Variants in DNAJC17 observed in about 807,000 individuals in gnomAD.
DNAJC17 encodes dnaJ homolog subfamily C member 17.
DNAJC17 carries 35 observed loss-of-function variants against 48.1 expected under a neutral mutation model. The observed-to-expected ratio is 0.73, with a 90% CI of 0.56 to 0.96. DNAJC17 has a LOEUF of 0.96. Among genes scored for constraint, DNAJC17 ranks in the 50% least tolerant of loss-of-function variants. DNAJC17 has a pLI of 0.00. For missense variants in DNAJC17, 355 were observed against 377.1 expected (o/e 0.94, Z 0.48); for synonymous variants, 117 against 142.7 (o/e 0.82, Z 1.28).
In DNAJC17 at chr15:40,767,211, CCTGT is replaced by C. The variant is rs774346021; in HGVS notation, c.*725_*728del. ...GTGTGCCCCTCCTCACCCCCCCCAT[CCTGT>C]CTCTTTGCAGTTATGAATACTACGT... On this transcript the variant is annotated 3_prime_UTR_variant, in exon 11 of 11. Coordinates refer to ENST00000220496, the MANE Select transcript of DNAJC17 (RefSeq NM_018163.3). 3 of 1,494,754 alleles carry C rather than the reference CCTGT, an allele frequency of 2.0e-6. No homozygotes were observed. In the Admixed American group the frequency reaches 6.9e-5, roughly 34 times the overall value. 92.6% of individuals were successfully genotyped at this position (1,494,754 alleles called of 1,614,324 possible). A position where few individuals can be genotyped will look rare whatever the true frequency, so the allele number is the denominator to read the frequency against.
rs980192847 is a variant in DNAJC17 at position 40,766,350 on chromosome 15, C to T, written c.*1590G>A. 28 of 153,736 alleles carry T rather than the reference C, an allele frequency of 1.8e-4. No homozygotes were observed. Among genetic ancestry groups the T allele is most frequent in the Admixed American group, 3.9e-4 (6 of 15,346 alleles). 9.5% of individuals were successfully genotyped at this position (153,736 alleles called of 1,614,324 possible). On this transcript the variant is annotated 3_prime_UTR_variant, in exon 11 of 11. Transcript: ENST00000220496. Reference sequence around the variant, plus strand: ...CGTCCTACCTCCAGGGTGGCTGCTGCCTGGGGACCTAGCCATTTCCCTTGG... The same window carrying T: ...CGTCCTACCTCCAGGGTGGCTGCTGTCTGGGGACCTAGCCATTTCCCTTGG...
chr15:40,775,951 C>T (rs1198396288), intron 6 of DNAJC17, among the ~76,000 whole-genome samples: 1 of 152,186 alleles, frequency 6.6e-6, no homozygotes, highest in Non-Finnish European at 1.5e-5. Context: ...AACAAGGCCA[C>T]CTCTGCTTGG....
At position 40,775,071 on chromosome 15, in the gene DNAJC17, C is replaced by T; in HGVS notation, c.560G>A (p.Gly187Asp). The change falls in exon 8 of 11, where the codon GGT becomes GAT. Residue 187 changes from glycine to aspartate, a missense_variant. By Grantham distance (94) the Gly-to-Asp change is moderately conservative (BLOSUM62 -1). Around this residue, in one of 3 missense-constraint regions of DNAJC17, gnomAD observed 68 missense variants for 109.5 expected, o/e 0.62. Transcript: ENST00000220496. ...TAGGAGGACGTCTTTGGAGTAGCCA[C>T]CTTTTGACTCATCCTCCTTCTTGCA... ...WKCKKEDESK[G>D]GYSKDVLLRL... is the part of the protein sequence containing the mutation. 1.9e-6 allele frequency: 3 copies of T among 1,614,158 alleles called. No homozygotes were observed. The highest frequency in any genetic ancestry group is 1.6e-4 in the Middle Eastern group (1 of 6,062).
At chr15:40,775,665 G>A in intron 6 of DNAJC17, 69 bp from the exon 7 acceptor site, 2 of 1,517,002 alleles carry the variant, frequency 1.3e-6, no homozygotes, top group Non-Finnish European at 1.8e-6. Flanking sequence ...AGGAAATGCA[G>A]CCCAGAGCAA....
intron 1 of DNAJC17, among the ~76,000 whole-genome samples, chr15:40,794,265 G>A (rs1889889104): frequency 1.3e-5 from 2 of 151,502 alleles, no homozygotes; most frequent in East Asian, 2.0e-4. Context: ...CAGGAGATCT[G>A]CTTGAACCCA....
At chr15:40,800,221 C>T (rs1308519095) in intron 1 of DNAJC17, among the ~76,000 whole-genome samples, 1 of 152,166 alleles carries the variant, frequency 6.6e-6, no homozygotes, top group Non-Finnish European at 1.5e-5. Context: ...GCAACTGCCA[C>T]TACGCCCAGC....
chr15:40,806,289 G>A (rs550202759), intron 1 of DNAJC17, among the ~76,000 whole-genome samples: 3 of 146,762 alleles, frequency 2.0e-5, no homozygotes, highest in South Asian at 2.1e-4. Context: ...TGCAATCTCA[G>A]CTCACTGCAA....
Position 40,778,203 on chromosome 15 carries a change from AAAG to A in DNAJC17, c.295+1017_295+1019del, listed in dbSNP as rs1007382124. ...CCCCGTCTTTCTTTAAAAAAAAAAAAAAGAAGAAGAAGACTCAGCCAGAAATGG... is the reference window on the plus strand; with the variant it reads ...CCCCGTCTTTCTTTAAAAAAAAAAAAAAGAAGAAGACTCAGCCAGAAATGG... On this transcript the variant is annotated intron_variant, in intron 4 of 10. Coordinates refer to ENST00000220496, the MANE Select transcript of DNAJC17 (RefSeq NM_018163.3). 2.7e-4 allele frequency among the ~76,000 whole-genome samples: 41 copies of A among 152,082 alleles called. 1 individual carries two copies. Among genetic ancestry groups the A allele is most frequent in the South Asian group, 4.2e-4 (2 of 4,816 alleles).
intron 9 of DNAJC17, 74 bp from the exon 10 acceptor site, chr15:40,773,911 G>T: frequency 7.4e-7 from 1 of 1,347,992 alleles, no homozygotes; most frequent in East Asian, 2.5e-5. Flanking sequence ...CCCCCACAGA[G>T]AGAACGGAAC....
rs1889121894 is a variant in DNAJC17, at chr15:40,770,970, G to A, written c.792+2757C>T. ...AGTGGACCTGGGGATTTCACTTCTTGAGGAAGTTCTGCAGATGCTAAGGGA... is the reference window on the plus strand; with the variant it reads ...AGTGGACCTGGGGATTTCACTTCTTAAGGAAGTTCTGCAGATGCTAAGGGA... On this transcript the variant is annotated intron_variant, in intron 10 of 10. Coordinates refer to ENST00000220496, the MANE Select transcript of DNAJC17 (RefSeq NM_018163.3). The surrounding 1 kb of genome is among the most constrained non-coding windows in gnomAD (Gnocchi z 5.0). The A allele has an allele frequency of 6.4e-7, 1 of 1,551,304 alleles. No individual in the cohort carries two copies. Among genetic ancestry groups the A allele is most frequent in the African/African-American group, 1.4e-5 (1 of 73,188 alleles).
chr15:40,807,044 A>C (rs1360442465), intron 1 of DNAJC17: 3 of 578,958 alleles, frequency 5.2e-6, no homozygotes, highest in African/African-American at 1.9e-5. Context: ...TCAAGGCAGA[A>C]GCGGAAACGG....
chr15:40,773,874 G>A (rs547975445), intron 9 of DNAJC17, 37 bp from the exon 10 acceptor site: 1 of 1,579,008 alleles, frequency 6.3e-7, no homozygotes, highest in Non-Finnish European at 8.7e-7. Flanking sequence ...CCCATCCGTT[G>A]AGTCAGCTAT....
intron 1 of DNAJC17, chr15:40,807,108 CG>C: frequency 1.2e-6 from 1 of 802,216 alleles, no homozygotes; most frequent in South Asian, 1.9e-5. Flanking sequence ...TGCCTCGCCC[CG>C]CGGCCTCTAG....
intron 10 of DNAJC17, among the ~76,000 whole-genome samples, chr15:40,773,043 C>T (rs1230517560): frequency 6.6e-6 from 1 of 151,486 alleles, no homozygotes; most frequent in Admixed American, 6.6e-5. Flanking sequence ...TCACTGCAAC[C>T]TCTGCCTCCC....
At chr15:40,789,634 C>A (rs555806753) in intron 1 of DNAJC17, among the ~76,000 whole-genome samples, 1 of 152,072 alleles carries the variant, frequency 6.6e-6, no homozygotes, top group South Asian at 2.1e-4. Flanking sequence ...GGGTCTCTAG[C>A]CCCAGAACCA....
intron 4 of DNAJC17, among the ~76,000 whole-genome samples, chr15:40,778,531 G>A (rs910174453): frequency 3.3e-5 from 5 of 151,604 alleles, no homozygotes; most frequent in Non-Finnish European, 5.9e-5. Context: ...GATTACAGGC[G>A]TGAGCCACCG....
chr15:40,776,447 G>A, intron 5 of DNAJC17, 95 bp downstream of exon 5: 1 of 1,512,114 alleles, frequency 6.6e-7, no homozygotes, highest in South Asian at 1.1e-5. Context: ...GGTGCAAAGA[G>A]CATGCCCTCT....
chr15:40,767,382 C>A lies in DNAJC17; in HGVS notation c.*558G>T. On this transcript the variant is annotated 3_prime_UTR_variant, in exon 11 of 11. Coordinates refer to ENST00000220496, the MANE Select transcript of DNAJC17 (RefSeq NM_018163.3). ...ATGCTGATTTGCAGACGGGGCACCCCTGTGGAGGGGCTGCTGTGGGCCCTG... is the reference window on the plus strand; with the variant it reads ...ATGCTGATTTGCAGACGGGGCACCCATGTGGAGGGGCTGCTGTGGGCCCTG... 1 of 1,574,564 alleles carries A rather than the reference C, an allele frequency of 6.4e-7. No homozygotes were observed. The highest frequency in any genetic ancestry group is 1.4e-5 in the African/African-American group (1 of 72,538).
chr15:40,786,882 C>A (rs532708952), intron 1 of DNAJC17, among the ~76,000 whole-genome samples: 5 of 152,212 alleles, frequency 3.3e-5, no homozygotes, highest in Non-Finnish European at 4.4e-5. Context: ...GTCTACCACC[C>A]TTTTTCCATC....
Sources: allele counts gnomAD v4.1 joint callset (sites outside exome capture counted in the v4.1 genomes callset), GRCh38; gene constraint gnomAD v4.1.1; regional missense constraint gnomAD v4.1.1; non-coding constraint Gnocchi (gnomAD v3.1); transcripts MANE v1.5; gene names NCBI Gene and HGNC (gene_info 2026-07-23, HGNC 2026-07-21).